AGO1: variants seen among roughly 807,000 people sequenced by gnomAD.
The protein encoded by AGO1 is protein argonaute-1.
In AGO1, 11 loss-of-function variants were observed where a neutral mutation model predicts 109.2. That is an observed-to-expected ratio of 0.10 (90% CI 0.06 to 0.17). The LOEUF is 0.17. Among genes scored for constraint, AGO1 ranks in the 10% least tolerant of loss-of-function variants. The probability of loss-of-function intolerance (pLI) is 1.00; values close to 1 mark genes in which losing one functional copy is unlikely to be tolerated. For missense variants in AGO1, 574 were observed against 1,140.3 expected (o/e 0.50, Z 7.15); for synonymous variants, 422 against 418.6 (o/e 1.01, Z -0.10).
rs1645250726 is a variant in AGO1, at chr1:35,893,059, A to G, written c.331-38A>G. On this transcript the variant is annotated intron_variant, in intron 3 of 18. Transcript: ENST00000373204. This position sits in a 1 kb window ranked among gnomAD's most constrained non-coding sequence, Gnocchi z 5.6. Reference sequence around the variant, plus strand: ...AGTTGGGGGTCATTCTCGCAGAGCAATGGCAATCCTTCATCCCTTTCTTTC... The same window carrying G: ...AGTTGGGGGTCATTCTCGCAGAGCAGTGGCAATCCTTCATCCCTTTCTTTC... 9 of 1,593,508 alleles carry G rather than the reference A, an allele frequency of 5.6e-6. No homozygotes were observed. The highest frequency in any genetic ancestry group is 2.2e-5 in the South Asian group (2 of 89,394).
chr1:35,891,287 A>G (rs1264786514), intron 2 of AGO1, among the ~76,000 whole-genome samples: 1 of 152,196 alleles, frequency 6.6e-6, no homozygotes. Context: ...TGGTCAGATA[A>G]ACTGGAATTT....
upstream of AGO1, among the ~76,000 whole-genome samples, chr1:35,881,923 G>C (rs1020793339): frequency 1.4e-4 from 22 of 152,224 alleles, no homozygotes; most frequent in African/African-American, 5.1e-4. Flanking sequence ...CAAGGAAGTG[G>C]TTGTGATACG....
intron 8 of AGO1, among the ~76,000 whole-genome samples, chr1:35,895,908 A>T (rs937647919): frequency 1.3e-5 from 2 of 152,238 alleles, no homozygotes; most frequent in Non-Finnish European, 2.9e-5. Context: ...ATGCTACTCA[A>T]AAAGTGTGGT....
At position 35,918,062 on chromosome 1, in the gene AGO1, C is replaced by G. The variant is rs138091042; in HGVS notation, c.2164-260C>G. ...GTACAAGGCGTCTTCCTCACAGCAA[C>G]CCTGTGAGGTACGTATTATTATTAT... is the stretch of plus-strand genomic sequence containing the variant. On this transcript the variant is annotated intron_variant, in intron 16 of 18. Coordinates refer to ENST00000373204, the MANE Select transcript of AGO1 (RefSeq NM_012199.5). Among the ~76,000 whole-genome samples the G allele has an allele frequency of 1.2e-3, 186 of 152,326 alleles. 1 individual carries two copies. The highest frequency in any genetic ancestry group is 4.4e-3 in the African/African-American group (183 of 41,572).
intron 12 of AGO1, among the ~76,000 whole-genome samples, chr1:35,912,473 C>T (rs1371519498): frequency 2.6e-5 from 4 of 151,888 alleles, no homozygotes; most frequent in South Asian, 2.1e-4. Flanking sequence ...ACCATGAGGC[C>T]CATTTGCTTA....
At chr1:35,907,542 T>A (rs1330284802) in intron 12 of AGO1, among the ~76,000 whole-genome samples, 2 of 152,170 alleles carry the variant, frequency 1.3e-5, no homozygotes, top group Non-Finnish European at 2.9e-5. Context: ...AGAGGCTTGC[T>A]ATCTCTCCTC....
chr1:35,909,183 T>A (rs1645587149), intron 12 of AGO1, among the ~76,000 whole-genome samples: 1 of 152,190 alleles, frequency 6.6e-6, no homozygotes, highest in Admixed American at 6.5e-5. Context: ...AAAACCTTCA[T>A]TGATTCCTAT....
intron 1 of AGO1, among the ~76,000 whole-genome samples, chr1:35,875,025 C>T (rs1644981627): frequency 6.6e-6 from 1 of 152,158 alleles, no homozygotes; most frequent in Non-Finnish European, 1.5e-5. Context: ...AAGCCATCTC[C>T]ATAACATAAA....
chr1:35,901,412 G>A lies in AGO1; in HGVS notation c.1021-62G>A. The A allele has an allele frequency of 6.3e-7, 1 of 1,596,958 alleles. No individual in the cohort carries two copies. Among genetic ancestry groups the A allele is most frequent in the Non-Finnish European group, 8.5e-7 (1 of 1,170,240 alleles). ...GCCAAGGTATCTTTCCTTATTGTGG[G>A]GCTCTGGGTACAGGGTGGACTGTAC... On this transcript the variant is annotated intron_variant, in intron 8 of 18. Transcript: ENST00000373204. The surrounding 1 kb of genome is among the most constrained non-coding windows in gnomAD (Gnocchi z 4.8).
At chr1:35,889,007 A>C (rs1411547605) in intron 2 of AGO1, among the ~76,000 whole-genome samples, 1 of 134,986 alleles carries the variant, frequency 7.4e-6, no homozygotes, top group African/African-American at 3.3e-5. Context: ...AGAGGGGAGA[A>C]ATGAATGGGA....
In AGO1 at chr1:35,928,178, A is replaced by ATGCACTGAGTAT. The variant is rs1195903376; in HGVS notation, c.*8573_*8584dup. 11 of 152,250 alleles carry ATGCACTGAGTAT rather than the reference A, an allele frequency of 7.2e-5. No homozygotes were observed. The highest frequency in any genetic ancestry group is 1.5e-4 in the Non-Finnish European group (10 of 68,050). The allele number at this position is 152,250 out of a possible 1,614,324, so 9.4% of individuals were successfully genotyped here. On this transcript the variant is annotated 3_prime_UTR_variant, in exon 19 of 19. Transcript: ENST00000373204. ...CAGCTGGCCACTCTGTCTTTCCTGC[A>ATGCACTGAGTAT]TGCACTGAGTATTTGGTAGCTCATT...
upstream of AGO1, among the ~76,000 whole-genome samples, chr1:35,879,523 C>T (rs911929761): frequency 3.3e-5 from 5 of 151,536 alleles, no homozygotes; most frequent in East Asian, 1.9e-4. Flanking sequence ...TTTGGGAGGC[C>T]GAGGTGGGCG....
Position 35,883,548 on chromosome 1 carries a change from G to A in AGO1, c.25+102G>A. The A allele has an allele frequency of 1.4e-6, 2 of 1,418,782 alleles. No homozygotes were observed. The highest frequency in any genetic ancestry group is 1.8e-6 in the Non-Finnish European group (2 of 1,083,980). 87.9% of individuals were successfully genotyped at this position (1,418,782 alleles called of 1,614,324 possible). On this transcript the variant is annotated intron_variant, in intron 1 of 18. Coordinates refer to ENST00000373204, the MANE Select transcript of AGO1 (RefSeq NM_012199.5). The surrounding 1 kb of genome is among the most constrained non-coding windows in gnomAD (Gnocchi z 5.4). ...TGATGGAAGCGCTCCTGAGTGAGGA[G>A]AAGGGCTCTCCCACGATGGGGGCCC... is the stretch of plus-strand genomic sequence containing the variant.
rs183736151 is a variant in AGO1 at position 35,903,167 on chromosome 1, C to T, written c.1397+830C>T. On this transcript the variant is annotated intron_variant, in intron 11 of 18. Transcript: ENST00000373204. ...GACCACAGGCGCCCGCCACCACGCC[C>T]AGCTAATTTTTTGTATTTTTAGTAG... Among the ~76,000 whole-genome samples the T allele has an allele frequency of 4.4e-3, 666 of 152,012 alleles. 7 individuals carry two copies. Among genetic ancestry groups the T allele is most frequent in the Non-Finnish European group, 7.2e-3 (490 of 67,960 alleles).
At position 35,901,354 on chromosome 1, in the gene AGO1, C is replaced by G. The variant is rs943040718; in HGVS notation, c.1021-120C>G. On this transcript the variant is annotated intron_variant, in intron 8 of 18. Coordinates refer to ENST00000373204, the MANE Select transcript of AGO1 (RefSeq NM_012199.5). The surrounding 1 kb of genome is among the most constrained non-coding windows in gnomAD (Gnocchi z 4.8). ...AGGAGGAGAATACATGTATGCACAA[C>G]GGATTTTGCAGTTCCCTTCCCCATG... 2 of 1,259,362 alleles carry G rather than the reference C, an allele frequency of 1.6e-6. No individual in the cohort carries two copies. Among genetic ancestry groups the G allele is most frequent in the Admixed American group, 4.1e-5 (2 of 48,530 alleles). The allele number at this position is 1,259,362 out of a possible 1,614,324, so 78.0% of individuals were successfully genotyped here. A position where few individuals can be genotyped will look rare whatever the true frequency, so the allele number is the denominator to read the frequency against.
chr1:35,895,387 G>A (rs1397403489), intron 8 of AGO1, 118 bp downstream of exon 8: 1 of 1,177,122 alleles, frequency 8.5e-7, no homozygotes, highest in African/African-American at 1.6e-5. Context: ...AAGGTATGAG[G>A]TAGTTCTCCT....
upstream of AGO1, among the ~76,000 whole-genome samples, chr1:35,881,229 CTTGTT>C (rs1645033188): frequency 6.6e-6 from 1 of 152,210 alleles, no homozygotes; most frequent in African/African-American, 2.4e-5. Flanking sequence ...TATCTGGAAA[CTTGTT>C]AGAAATGCAC....
Position 35,911,888 on chromosome 1 carries a change from C to G in AGO1, c.1583-1954C>G, listed in dbSNP as rs115382262. 6.8e-3 allele frequency among the ~76,000 whole-genome samples: 1,040 copies of G among 152,294 alleles called. 10 individuals carry two copies. Among genetic ancestry groups the G allele is most frequent in the African/African-American group, 0.024 (991 of 41,554 alleles). On this transcript the variant is annotated intron_variant, in intron 12 of 18. Coordinates refer to ENST00000373204, the MANE Select transcript of AGO1 (RefSeq NM_012199.5). ...ACCACTTGCTCCTTCTTGAAACACT[C>G]TCTTTCTTCCCTTGGCACTCGTGAT...
chr1:35,907,617 T>G (rs536191457), intron 12 of AGO1, among the ~76,000 whole-genome samples: 1 of 152,178 alleles, frequency 6.6e-6, no homozygotes, highest in Non-Finnish European at 1.5e-5. Flanking sequence ...TTTTCTTTTA[T>G]GCCATTTTCC....
Sources: allele counts gnomAD v4.1 joint callset (sites outside exome capture counted in the v4.1 genomes callset), GRCh38; gene constraint gnomAD v4.1.1; non-coding constraint Gnocchi (gnomAD v3.1); transcripts MANE v1.5; gene names NCBI Gene and HGNC (gene_info 2026-07-23, HGNC 2026-07-21).